SH3TC1: variants seen among roughly 807,000 people sequenced by gnomAD.
SH3TC1 encodes SH3 domain and tetratricopeptide repeat-containing protein 1.
SH3TC1 carries 135 observed loss-of-function variants against 117.3 expected under a neutral mutation model. That is an observed-to-expected ratio of 1.15 (90% CI 1.00 to 1.33). The LOEUF is 1.33. Ranked by LOEUF, SH3TC1 falls within the 40% of genes most tolerant of loss-of-function variation. The pLI, the probability that SH3TC1 is intolerant of heterozygous loss-of-function variation, is 0.00. For missense variants in SH3TC1, 2,092 were observed against 1,794.3 expected, an observed-to-expected ratio of 1.17 and a Z score of -3.00; for synonymous variants, 898 against 816.9, an observed-to-expected ratio of 1.10 and a Z score of -1.69.
rs555710448 is a variant in SH3TC1 at position 8,216,091 on chromosome 4, ACTGGGC to A, written c.482-15_482-10del. 2.5e-6 allele frequency: 4 copies of A among 1,611,566 alleles called. No individual in the cohort carries two copies. In the East Asian group the frequency reaches 8.9e-5, roughly 36 times the overall value. On this transcript the variant is annotated splice_polypyrimidine_tract_variant and intron_variant, in intron 5 of 17. Transcript: ENST00000245105. ...GCCCCTCTTCTGGAGCCCTCGGGTGACTGGGCCTGGCCTCCACAGGCTTCACTCATC... is the reference window on the plus strand; with the variant it reads ...GCCCCTCTTCTGGAGCCCTCGGGTGACTGGCCTCCACAGGCTTCACTCATC...
At chr4:8,199,561 G>A (rs1054990990) in intron 1 of SH3TC1, among the ~76,000 whole-genome samples, 156 bp downstream of exon 1, 4 of 152,240 alleles carry the variant, frequency 2.6e-5, no homozygotes, top group Non-Finnish European at 4.4e-5. Flanking sequence ...GCCTCGGGGA[G>A]GTCGTCGGCA....
chr4:8,225,368 G>A lies in SH3TC1; in HGVS notation c.1285+152G>A. On this transcript the variant is annotated intron_variant, in intron 11 of 17. Coordinates refer to ENST00000245105, the MANE Select transcript of SH3TC1 (RefSeq NM_018986.5). This position sits in a 1 kb window ranked among gnomAD's most constrained non-coding sequence, Gnocchi z 5.5. The stretch of plus-strand genomic sequence containing the variant: ...TGGGGGCTTGGGGGAGGTTGCCTGA[G>A]GTGGGCCTGAACCTCCCGTCCACTG... The A allele has an allele frequency of 6.0e-6, 5 of 827,924 alleles. No individual in the cohort carries two copies. In the South Asian group the frequency reaches 6.7e-5, roughly 11 times the overall value. The allele number at this position is 827,924 out of a possible 1,614,324, so 51.3% of individuals were successfully genotyped here.
intron 9 of SH3TC1, among the ~76,000 whole-genome samples, chr4:8,221,666 T>C (rs1719929651): frequency 6.6e-6 from 1 of 152,236 alleles, no homozygotes; most frequent in Non-Finnish European, 1.5e-5. Flanking sequence ...TAATGCAGTA[T>C]GTGGTTCCTA....
intron 9 of SH3TC1, among the ~76,000 whole-genome samples, chr4:8,221,512 A>T (rs754775774): frequency 6.6e-6 from 1 of 152,274 alleles, no homozygotes; most frequent in South Asian, 2.1e-4. Flanking sequence ...CAAAAAGAGT[A>T]TAACATTCCC....
upstream of SH3TC1, among the ~76,000 whole-genome samples, chr4:8,195,675 A>G (rs955505841): frequency 6.6e-6 from 1 of 152,070 alleles, no homozygotes; most frequent in African/African-American, 2.4e-5. Context: ...TTTTCAACGT[A>G]GCTTCCAGAA....
intron 17 of SH3TC1, 84 bp from the exon 18 acceptor site, chr4:8,240,614 G>A: frequency 6.3e-7 from 1 of 1,575,126 alleles, no homozygotes; most frequent in Non-Finnish European, 8.6e-7. Flanking sequence ...GGCCGGACAT[G>A]TGGAATGACC....
At chr4:8,191,494 C>T (rs1474443392) in intron 1 of SH3TC1, among the ~76,000 whole-genome samples, 1 of 152,242 alleles carries the variant, frequency 6.6e-6, no homozygotes, top group Non-Finnish European at 1.5e-5. Flanking sequence ...GAGCTCTGCT[C>T]TTCTGATCAG....
intron 14 of SH3TC1, among the ~76,000 whole-genome samples, chr4:8,233,726 T>A (rs1184069583): frequency 1.3e-5 from 2 of 148,248 alleles, no homozygotes; most frequent in South Asian, 2.3e-4. Flanking sequence ...CCATTATCCA[T>A]CCATTCACCT....
At chr4:8,204,722 CT>C (rs1175888422) in intron 1 of SH3TC1, 1 of 153,484 alleles carries the variant, frequency 6.5e-6, no homozygotes, top group Non-Finnish European at 1.5e-5. Context: ...CCCATGGCCC[CT>C]GTGCCTATTT....
At chr4:8,219,269 C>T in intron 8 of SH3TC1, 66 bp from the exon 9 acceptor site, 3 of 1,463,118 alleles carry the variant, frequency 2.1e-6, no homozygotes, top group Non-Finnish European at 2.7e-6. Context: ...CTGGCATCGG[C>T]CCTGTCTGCC....
At chr4:8,218,019 G>T (rs907858096) in intron 7 of SH3TC1, among the ~76,000 whole-genome samples, 2 of 152,180 alleles carry the variant, frequency 1.3e-5, no homozygotes, top group Non-Finnish European at 2.9e-5. Flanking sequence ...CAGGGGTGGC[G>T]GTGTTTCCAG....
intron 1 of SH3TC1, among the ~76,000 whole-genome samples, chr4:8,201,203 CCTT>C (rs756967465): frequency 2.6e-5 from 4 of 152,206 alleles, no homozygotes; most frequent in African/African-American, 4.8e-5. Flanking sequence ...CGGCCCTCTC[CCTT>C]CTTCTTCCAA....
intron 13 of SH3TC1, chr4:8,232,710 C>T (rs1192851369): frequency 3.9e-6 from 5 of 1,290,112 alleles, no homozygotes; most frequent in Non-Finnish European, 5.1e-6. Flanking sequence ...CCCACAGGGC[C>T]CAGTGACATT....
chr4:8,213,688 A>G (rs1409888238), intron 4 of SH3TC1, among the ~76,000 whole-genome samples: 2 of 152,178 alleles, frequency 1.3e-5, no homozygotes, highest in African/African-American at 2.4e-5. Flanking sequence ...ACTTGAGCCC[A>G]GGAGTTTAAG....
chr4:8,223,529 G>A (rs1030333758), intron 10 of SH3TC1, among the ~76,000 whole-genome samples: 6 of 152,178 alleles, frequency 3.9e-5, no homozygotes, highest in Non-Finnish European at 7.3e-5. Context: ...GCAGTGCAAC[G>A]CATAGATGAA....
rs1179679437 is a variant in SH3TC1, at chr4:8,190,600, G to C, written c.-57+8390G>C. On this transcript the variant is annotated intron_variant, in intron 1 of 16. Transcript: ENST00000508641. This position sits in a 1 kb window ranked among gnomAD's most constrained non-coding sequence, Gnocchi z 4.7. ...CTCGGTCACCCACACCCCACCAGCCGGCTGGTCCACAGGGTGTTTCTGAGG... is the reference window on the plus strand; with the variant it reads ...CTCGGTCACCCACACCCCACCAGCCCGCTGGTCCACAGGGTGTTTCTGAGG... 6.6e-6 allele frequency among the ~76,000 whole-genome samples: 1 copy of C among 152,062 alleles called. No homozygotes were observed. Among genetic ancestry groups the C allele is most frequent in the Non-Finnish European group, 1.5e-5 (1 of 68,010 alleles).
intron 16 of SH3TC1, chr4:8,236,739 C>G (rs912208166): frequency 3.0e-6 from 1 of 328,660 alleles, no homozygotes; most frequent in Admixed American, 4.7e-5. Flanking sequence ...ATGTGCCAGG[C>G]TGAGTGGCAC....
chr4:8,199,634 G>T (rs1189051425), intron 1 of SH3TC1, among the ~76,000 whole-genome samples: 1 of 152,206 alleles, frequency 6.6e-6, no homozygotes, highest in Non-Finnish European at 1.5e-5. Flanking sequence ...GTGATTGAGG[G>T]CAATGATTTC....
At chr4:8,236,043 G>A (rs1003536688) in intron 15 of SH3TC1, 6 of 535,452 alleles carry the variant, frequency 1.1e-5, no homozygotes, top group Admixed American at 3.6e-5. Context: ...GACCCCTGGT[G>A]CCCAGGCGGG....
Sources: allele counts gnomAD v4.1 joint callset (sites outside exome capture counted in the v4.1 genomes callset), GRCh38; gene constraint gnomAD v4.1.1; non-coding constraint Gnocchi (gnomAD v3.1); transcripts MANE v1.5; gene names NCBI Gene and HGNC (gene_info 2026-07-23, HGNC 2026-07-21).